Variants in PEG3 observed in about 807,000 individuals in gnomAD.
PEG3 encodes the protein paternally expressed 3.
A neutral mutation model predicts 35.5 loss-of-function variants in PEG3; 23 were observed. The observed-to-expected ratio is 0.65, with a 90% CI of 0.47 to 0.92. PEG3 has a LOEUF of 0.92. Ranked by LOEUF, PEG3 falls within the 40% of genes least tolerant of loss-of-function variation. The pLI is 0.00. For synonymous variants in PEG3, 707 were observed against 697.0 expected, an observed-to-expected ratio of 1.01 and a Z score of -0.23; for missense variants, 1,960 against 1,985.3, an observed-to-expected ratio of 0.99 and a Z score of 0.24.
At chr19:56,823,120 G>T (rs1176778666) in intron 5 of PEG3, among the ~76,000 whole-genome samples, 1 of 152,184 alleles carries the variant, frequency 6.6e-6, no homozygotes, top group East Asian at 1.9e-4. Context: ...TGGCTTCCCA[G>T]TTCCTAAGGG....
rs2059504099 is a variant in PEG3, at chr19:56,811,040, C to T, written c.*2635G>A. 2.0e-6 allele frequency: 2 copies of T among 981,394 alleles called. No homozygotes were observed. The highest frequency in any genetic ancestry group is 9.5e-5 in the South Asian group (2 of 21,160). The allele number at this position is 981,394 out of a possible 1,614,324, so 60.8% of individuals were successfully genotyped here. A position where few individuals can be genotyped will look rare whatever the true frequency, so the allele number is the denominator to read the frequency against. On this transcript the variant is annotated 3_prime_UTR_variant, in exon 10 of 10. Transcript: ENST00000326441. ...ACAGTTATAATCATAAACCTGTGCACAGAAACAAGAATGAACAAGATAAGA... is the reference window on the plus strand; with the variant it reads ...ACAGTTATAATCATAAACCTGTGCATAGAAACAAGAATGAACAAGATAAGA...
intron 1 of PEG3, among the ~76,000 whole-genome samples, chr19:56,839,440 G>A (rs1159349313): frequency 2.0e-5 from 3 of 146,840 alleles, no homozygotes; most frequent in African/African-American, 5.1e-5. Context: ...TGAACAGATC[G>A]TCACATCTAA....
chr19:56,822,620 T>TA, intron 6 of PEG3, 133 bp downstream of exon 6: 1 of 1,289,258 alleles, frequency 7.8e-7, no homozygotes, highest in Non-Finnish European at 1.1e-6. Context: ...AGCCTTGGAC[T>TA]AAACTTTTGG....
rs1236865240 is a variant in PEG3 at position 56,833,467 on chromosome 19, C to T, written c.-163+2551G>A. On this transcript the variant is annotated intron_variant, in intron 2 of 9. Transcript: ENST00000326441. ...TTCAGCACGCACATGGAGTAAGATG[C>T]TGTCCCAGCCCAGGCCTACGTCACC... The T allele has an allele frequency of 1.3e-5, 4 of 303,094 alleles. No individual in the cohort carries two copies. The East Asian group carries it at 2.6e-4, about 20-fold the overall frequency. The allele number at this position is 303,094 out of a possible 1,614,324, so 18.8% of individuals were successfully genotyped here.
chr19:56,834,113 T>C (rs1211404883), intron 2 of PEG3, among the ~76,000 whole-genome samples: 3 of 152,202 alleles, frequency 2.0e-5, no homozygotes, highest in Admixed American at 6.5e-5. Flanking sequence ...TCCAGAACAG[T>C]ATGAGTTATT....
In PEG3 at chr19:56,824,017, T is replaced by C. The variant is rs148962249; in HGVS notation, c.394+245A>G. Among the ~76,000 whole-genome samples, 519 of 152,260 alleles carry C rather than the reference T, an allele frequency of 3.4e-3. 5 individuals carry two copies. The Middle Eastern group carries it at 0.071, about 21-fold the overall frequency. On this transcript the variant is annotated intron_variant, in intron 4 of 9. Coordinates refer to ENST00000326441, the MANE Select transcript of PEG3 (RefSeq NM_006210.3). ...CTCCTTTCCCTCTCCTGACTCAGGA[T>C]GGTGGTTCTGCACTAGGGAGGTTTT...
Position 56,816,135 on chromosome 19 carries a change from A to G in PEG3, c.2307T>C (p.Tyr769=), listed in dbSNP as rs33931963. Residue 769 remains tyrosine, a synonymous_variant, in exon 10 of 10, where the codon TAT becomes TAC. Coordinates refer to ENST00000326441, the MANE Select transcript of PEG3 (RefSeq NM_006210.3). The part of the protein sequence containing the change: ...NQKIPTKENV[Y]EAKSYERSVI... ...CAGACCTCTCATATGATTTTGCCTCATAGACATTTTCCTTAGTGGGAATCT... is the reference window on the plus strand; with the variant it reads ...CAGACCTCTCATATGATTTTGCCTCGTAGACATTTTCCTTAGTGGGAATCT... The G allele has an allele frequency of 0.24, 394,329 of 1,613,122 alleles. 49,182 individuals carry two copies. The highest frequency in any genetic ancestry group is 0.26 in the Non-Finnish European group (301,730 of 1,179,412).
intron 2 of PEG3, among the ~76,000 whole-genome samples, chr19:56,831,672 A>G (rs773170456): frequency 3.2e-4 from 48 of 152,260 alleles, no homozygotes; most frequent in Non-Finnish European, 5.7e-4. Flanking sequence ...AAAATGTTAC[A>G]TAACCATTAA....
Position 56,812,640 on chromosome 19 carries a change from T to C in PEG3, c.*1035A>G. On this transcript the variant is annotated 3_prime_UTR_variant, in exon 10 of 10. Transcript: ENST00000326441. ...GCACAAAGGAAGTGATGAAAGGTTA[T>C]TAGCCTGCAACATTATTTACAGCAT... 3.0e-6 allele frequency: 3 copies of C among 985,802 alleles called. No individual in the cohort carries two copies. Among genetic ancestry groups the C allele is most frequent in the Non-Finnish European group, 3.6e-6 (3 of 829,922 alleles). The allele number at this position is 985,802 out of a possible 1,614,324, so 61.1% of individuals were successfully genotyped here.
In PEG3 at chr19:56,811,795, C is replaced by G. The variant is rs1158403379; in HGVS notation, c.*1880G>C. 1.0e-6 allele frequency: 1 copy of G among 985,366 alleles called. No individual in the cohort carries two copies. Among genetic ancestry groups the G allele is most frequent in the Non-Finnish European group, 1.2e-6 (1 of 829,978 alleles). The allele number at this position is 985,366 out of a possible 1,614,324, so 61.0% of individuals were successfully genotyped here. On this transcript the variant is annotated 3_prime_UTR_variant, in exon 10 of 10. Transcript: ENST00000326441. ...ACCATACCATCAAAAACTCCTTTTCCAAACTGCTCAGGACACCCCGCTCAA... is the reference window on the plus strand; with the variant it reads ...ACCATACCATCAAAAACTCCTTTTCGAAACTGCTCAGGACACCCCGCTCAA...
rs754892700 is a variant in PEG3 at position 56,817,206 on chromosome 19, C to A, written c.1236G>T (p.Arg412Ser). The stretch of plus-strand genomic sequence containing the variant: ...CACTACCACATTCAAAGGGCTTCTT[C>A]CTGGGACAGCCTTTTTGATCGTGAA... ...GSIHDQKGCP[R>S]KKPFECGSEM... The change falls in exon 10 of 10, where the codon AGG becomes AGT. Residue 412 changes from arginine (R) to serine (S), a missense_variant. Arg to Ser is a moderately radical substitution (Grantham distance 110). This residue lies in a region of PEG3 where 613 missense variants were observed against 577.1 expected (regional missense o/e 1.06). Transcript: ENST00000326441. The A allele has an allele frequency of 6.2e-7, 1 of 1,614,226 alleles. No homozygotes were observed. Among genetic ancestry groups the A allele is most frequent in the Non-Finnish European group, 8.5e-7 (1 of 1,180,034 alleles).
intron 2 of PEG3, among the ~76,000 whole-genome samples, chr19:56,834,217 A>G (rs187777874): frequency 1.2e-4 from 19 of 152,328 alleles, no homozygotes; most frequent in Admixed American, 1.0e-3. Context: ...CCATCCAACC[A>G]TCTACAGGAT....
chr19:56,818,699 C>T lies in PEG3; in HGVS notation c.673G>A (p.Ala225Thr). Residue 225 changes from alanine (A) to threonine (T), a missense_variant, in exon 8 of 10, where the codon GCT (alanine) becomes ACT (threonine). Coordinates refer to ENST00000326441, the MANE Select transcript of PEG3 (RefSeq NM_006210.3). The part of the protein sequence containing the change: ...SRAYESRSQD[A>T]ESYQNVVDLA... ...TCCACCACATTTTGGTATGATTCAG[C>T]ATCCTAAAACAGCAAACACAGACCT... The T allele has an allele frequency of 6.2e-7, 1 of 1,614,150 alleles. No homozygotes were observed. The highest frequency in any genetic ancestry group is 8.5e-7 in the Non-Finnish European group (1 of 1,180,048).
intron 6 of PEG3, 84 bp from the exon 7 acceptor site, chr19:56,821,838 A>G: frequency 6.8e-7 from 1 of 1,462,348 alleles, no homozygotes; most frequent in Admixed American, 1.7e-5. Context: ...CTATGAAGCC[A>G]GCTGGGGTGT....
rs142060546 is a variant in PEG3, at chr19:56,813,116, C to CA, written c.*558dup. The CA allele has an allele frequency of 5.8e-4, 571 of 983,664 alleles. 3 individuals carry two copies. The African/African-American group carries it at 8.8e-3, about 15-fold the overall frequency. The allele number at this position is 983,664 out of a possible 1,614,324, so 60.9% of individuals were successfully genotyped here. A position where few individuals can be genotyped will look rare whatever the true frequency, so the allele number is the denominator to read the frequency against. On this transcript the variant is annotated 3_prime_UTR_variant, in exon 10 of 10. Coordinates refer to ENST00000326441, the MANE Select transcript of PEG3 (RefSeq NM_006210.3). ...AAACAATTACTCAAAAAGATATTGACAGGGTTCAAATAATGCACAATAAAT... is the reference window on the plus strand; with the variant it reads ...AAACAATTACTCAAAAAGATATTGACAAGGGTTCAAATAATGCACAATAAAT...
At chr19:56,837,927 C>G (rs984977802) in intron 1 of PEG3, among the ~76,000 whole-genome samples, 2 of 152,224 alleles carry the variant, frequency 1.3e-5, no homozygotes, top group African/African-American at 4.8e-5. Context: ...GCACTGCACC[C>G]GCCACATTGA....
chr19:56,817,888 C>A (rs567492433), intron 8 of PEG3, 53 bp from the exon 9 acceptor site: 1 of 1,401,740 alleles, frequency 7.1e-7, no homozygotes, highest in African/African-American at 1.4e-5. Flanking sequence ...AGGACCAAGA[C>A]TCATCACCAT....
At chr19:56,839,596 C>G (rs2062723525) in intron 1 of PEG3, among the ~76,000 whole-genome samples, 1 of 152,208 alleles carries the variant, frequency 6.6e-6, no homozygotes, top group Non-Finnish European at 1.5e-5. Context: ...ATCACTTCAG[C>G]CTTGCCCCGC....
chr19:56,829,367 C>T (rs2061369810), intron 2 of PEG3, among the ~76,000 whole-genome samples: 1 of 149,064 alleles, frequency 6.7e-6, no homozygotes, highest in East Asian at 2.0e-4. Context: ...AAAAAGTCAG[C>T]TGCACACTAT....
Sources: allele counts gnomAD v4.1 joint callset (sites outside exome capture counted in the v4.1 genomes callset), GRCh38; gene constraint gnomAD v4.1.1; regional missense constraint gnomAD v4.1.1; transcripts MANE v1.5; gene names NCBI Gene and HGNC (gene_info 2026-07-23, HGNC 2026-07-21).